The following CDYL2 variants were observed in gnomAD, a reference collection of about 807,000 sequenced individuals.
The protein encoded by CDYL2 is chromodomain Y like 2.
CDYL2 carries 23 observed loss-of-function variants against 49.4 expected under a neutral mutation model. That is an observed-to-expected ratio of 0.47 (90% confidence interval 0.34 to 0.66). The LOEUF (loss-of-function observed/expected upper bound fraction) is 0.66, where lower values mean the gene tolerates loss of function less well. Among genes scored for constraint, CDYL2 ranks in the 30% least tolerant of loss-of-function variants. The pLI is 0.01. For missense variants in CDYL2, 678 were observed against 656.4 expected (o/e 1.03, Z -0.36); for synonymous variants, 360 against 268.8 (o/e 1.34, Z -3.32).
intron 1 of CDYL2, among the ~76,000 whole-genome samples, chr16:80,740,497 T>G (rs1905696898): frequency 6.6e-6 from 1 of 152,220 alleles, no homozygotes. Context: ...AAACCATTAT[T>G]TTTAATATCA....
chr16:80,691,914 C>A (rs564112292), intron 1 of CDYL2, among the ~76,000 whole-genome samples: 39 of 152,272 alleles, frequency 2.6e-4, no homozygotes, highest in Non-Finnish European at 4.6e-4. Context: ...AAAATTCCCG[C>A]TGGAACCAGG....
At chr16:80,708,257 G>A (rs578252952) in intron 1 of CDYL2, among the ~76,000 whole-genome samples, 2 of 152,320 alleles carry the variant, frequency 1.3e-5, no homozygotes, top group East Asian at 3.9e-4. Flanking sequence ...CAAGGTCAGG[G>A]CCAGGTGGAG....
intron 1 of CDYL2, among the ~76,000 whole-genome samples, chr16:80,704,471 G>A (rs1160833588): frequency 6.6e-6 from 1 of 152,228 alleles, no homozygotes; most frequent in African/African-American, 2.4e-5. Flanking sequence ...GAAGCACACA[G>A]TCCATGGGGA....
chr16:80,748,534 A>C (rs924065024), intron 1 of CDYL2, among the ~76,000 whole-genome samples: 5 of 143,962 alleles, frequency 3.5e-5, no homozygotes, highest in Non-Finnish European at 7.6e-5. Context: ...AAAAAAAAAA[A>C]AAAAAACTCA....
intron 1 of CDYL2, among the ~76,000 whole-genome samples, chr16:80,770,192 G>T (rs140651229): frequency 6.6e-6 from 1 of 152,134 alleles, no homozygotes; most frequent in African/African-American, 2.4e-5. Context: ...CATGCAACAT[G>T]AGTTAATAAA....
At chr16:80,645,973 C>T (rs1225332533) in intron 2 of CDYL2, among the ~76,000 whole-genome samples, 24 of 105,144 alleles carry the variant, frequency 2.3e-4, no homozygotes, top group African/African-American at 7.0e-4. Flanking sequence ...CATCACACAC[C>T]GGGGCCTGTC....
intron 1 of CDYL2, among the ~76,000 whole-genome samples, chr16:80,708,827 C>T (rs543152107): frequency 2.6e-5 from 4 of 151,868 alleles, no homozygotes; most frequent in Admixed American, 6.5e-5. Context: ...TCCAAAGCAT[C>T]GAGATAGAGC....
At chr16:80,655,559 G>T (rs1908770198) in intron 2 of CDYL2, among the ~76,000 whole-genome samples, 1 of 152,156 alleles carries the variant, frequency 6.6e-6, no homozygotes, top group Admixed American at 6.5e-5. Context: ...AGCGCAACAG[G>T]GTGGAGAAGC....
chr16:80,711,855 G>C (rs1904607376), intron 1 of CDYL2, among the ~76,000 whole-genome samples: 1 of 151,960 alleles, frequency 6.6e-6, no homozygotes, highest in Non-Finnish European at 1.5e-5. Context: ...TGCCCTGGCT[G>C]ACCACACTCA....
chr16:80,710,864 T>A (rs969047110), intron 1 of CDYL2, among the ~76,000 whole-genome samples: 3 of 152,238 alleles, frequency 2.0e-5, no homozygotes, highest in Non-Finnish European at 4.4e-5. Flanking sequence ...AGTTCTTCAC[T>A]GCATATCATA....
intron 1 of CDYL2, among the ~76,000 whole-genome samples, chr16:80,734,718 A>AGG (rs1905455409): frequency 6.6e-6 from 1 of 152,156 alleles, no homozygotes; most frequent in Non-Finnish European, 1.5e-5. Context: ...ATACCTGCTT[A>AGG]AGCTTAGGAA....
At chr16:80,673,892 G>C (rs1597164246) in intron 2 of CDYL2, among the ~76,000 whole-genome samples, 2 of 152,206 alleles carry the variant, frequency 1.3e-5, no homozygotes, top group African/African-American at 4.8e-5. Context: ...GGAGTCAAGA[G>C]AAGGAGATGT....
At chr16:80,685,296 A>G (rs1910147029) in intron 1 of CDYL2, among the ~76,000 whole-genome samples, 167 bp from the exon 2 acceptor site, 1 of 152,180 alleles carries the variant, frequency 6.6e-6, no homozygotes, top group African/African-American at 2.4e-5. Flanking sequence ...AGGAGGGTTC[A>G]AGAAGGCTGG....
rs375340735 is a variant in CDYL2, at chr16:80,717,687, G to C, written c.25-32558C>G. ...GCTAGGGGCATGGAGCAGTGAAGTGGACAGACAAGGCCCCTGTCCTTGGGA... is the reference window on the plus strand; with the variant it reads ...GCTAGGGGCATGGAGCAGTGAAGTGCACAGACAAGGCCCCTGTCCTTGGGA... On this transcript the variant is annotated intron_variant, in intron 1 of 6. Transcript: ENST00000570137. Among the ~76,000 whole-genome samples the C allele has an allele frequency of 2.0e-5, 3 of 152,368 alleles. No individual in the cohort carries two copies. The South Asian group carries it at 6.2e-4, about 32-fold the overall frequency.
At chr16:80,668,642 T>C (rs1909371067) in intron 2 of CDYL2, among the ~76,000 whole-genome samples, 1 of 152,124 alleles carries the variant, frequency 6.6e-6, no homozygotes, top group Non-Finnish European at 1.5e-5. Context: ...ATGCTTATAT[T>C]TTCCCCAGCA....
chr16:80,664,554 C>T (rs4889193), intron 2 of CDYL2, among the ~76,000 whole-genome samples: 1 of 151,968 alleles, frequency 6.6e-6, no homozygotes, highest in Non-Finnish European at 1.5e-5. Context: ...TTCGTCCCCA[C>T]CACATAGTGA....
intron 3 of CDYL2, among the ~76,000 whole-genome samples, chr16:80,626,008 C>G (rs1907280826): frequency 1.3e-5 from 2 of 151,770 alleles, no homozygotes; most frequent in Non-Finnish European, 2.9e-5. Flanking sequence ...TAATAACCAG[C>G]AAAGAAATTG....
At chr16:80,661,693 G>C (rs1475961022) in intron 2 of CDYL2, among the ~76,000 whole-genome samples, 2 of 152,164 alleles carry the variant, frequency 1.3e-5, no homozygotes, top group Non-Finnish European at 2.9e-5. Context: ...GTTTTCCAGA[G>C]CCTAGTCTTT....
chr16:80,708,187 A>G (rs1184257093), intron 1 of CDYL2, among the ~76,000 whole-genome samples: 1 of 152,162 alleles, frequency 6.6e-6, no homozygotes, highest in Non-Finnish European at 1.5e-5. Context: ...TTATCTTGTC[A>G]TATGGTTTGG....
Sources: allele counts gnomAD v4.1 joint callset (sites outside exome capture counted in the v4.1 genomes callset), GRCh38; gene constraint gnomAD v4.1.1; transcripts MANE v1.5; gene names NCBI Gene and HGNC (gene_info 2026-07-23, HGNC 2026-07-21).